The following PLCB4 variants were observed in gnomAD, a reference collection of about 807,000 sequenced individuals.
The protein encoded by PLCB4 is 1-phosphatidylinositol 4,5-bisphosphate phosphodiesterase beta-4.
PLCB4 carries 77 observed loss-of-function variants against 178.8 expected under a neutral mutation model. The ratio of observed to expected loss-of-function variants is 0.43; its 90% CI spans 0.36 to 0.52. The LOEUF is 0.52. Ranked by LOEUF, PLCB4 falls within the 20% of genes least tolerant of loss-of-function variation. The pLI is 0.00. For synonymous variants in PLCB4, 496 were observed against 490.8 expected (o/e 1.01, Z -0.14); for missense variants, 1,024 against 1,453.4 (o/e 0.70, Z 4.80).
intron 2 of PLCB4, among the ~76,000 whole-genome samples, chr20:9,188,602 TTGTGGAGGG>T (rs2093360225): frequency 7.5e-6 from 1 of 132,566 alleles, no homozygotes; most frequent in East Asian, 2.3e-4. Flanking sequence ...TAACTGTTCA[TTGTGGAGGG>T]CTGTCATATA....
At chr20:9,264,067 G>T (rs1390792492) in intron 3 of PLCB4, among the ~76,000 whole-genome samples, 1 of 152,046 alleles carries the variant, frequency 6.6e-6, no homozygotes, top group Admixed American at 6.6e-5. Context: ...AACAAGTTTT[G>T]ATTTAGGAGA....
chr20:9,364,664 C>A (rs2035623487), intron 8 of PLCB4, among the ~76,000 whole-genome samples: 1 of 152,194 alleles, frequency 6.6e-6, no homozygotes, highest in South Asian at 2.1e-4. Context: ...CCTAAAACAT[C>A]CCGTTATTAA....
chr20:9,284,428 G>A lies in PLCB4; in HGVS notation c.-15-23372G>A, dbSNP rs2094519755. On this transcript the variant is annotated intron_variant, in intron 3 of 39. Transcript: ENST00000378473. Reference sequence around the variant, plus strand: ...AGGAGATGAATGGAGAGAGATATAAGGCTAGATTATGTAAGGTCTTACAGC... The same window carrying A: ...AGGAGATGAATGGAGAGAGATATAAAGCTAGATTATGTAAGGTCTTACAGC... Among the ~76,000 whole-genome samples the A allele has an allele frequency of 2.6e-5, 4 of 152,060 alleles. No individual in the cohort carries two copies. In the Middle Eastern group the frequency reaches 0.01, roughly 388 times the overall value.
At chr20:9,220,598 C>G (rs2147287764) in intron 3 of PLCB4, among the ~76,000 whole-genome samples, 1 of 152,320 alleles carries the variant, frequency 6.6e-6, no homozygotes, top group South Asian at 2.1e-4. Flanking sequence ...GACTGAGCCA[C>G]TGTACCCCAG....
chr20:9,098,961 A>C (rs2091036820), intron 2 of PLCB4, among the ~76,000 whole-genome samples: 1 of 151,358 alleles, frequency 6.6e-6, no homozygotes, highest in South Asian at 2.1e-4. Flanking sequence ...ATATATGACT[A>C]TTTTAAAACT....
intron 20 of PLCB4, among the ~76,000 whole-genome samples, chr20:9,403,724 T>A (rs1306967764): frequency 6.6e-6 from 1 of 152,242 alleles, no homozygotes; most frequent in Non-Finnish European, 1.5e-5. Context: ...AACTCAGTGA[T>A]TGGCACATGA....
In PLCB4 at chr20:9,232,637, G is replaced by A. The variant is rs561705883; in HGVS notation, c.-16+15185G>A. ...ATTATGGTAGCTACAGCTGGGTAAA[G>A]TTTGTAGGTAATTTTCAACATTTGA... On this transcript the variant is annotated intron_variant, in intron 3 of 39. Coordinates refer to ENST00000378473, the MANE Select transcript of PLCB4 (RefSeq NM_001377142.1). Among the ~76,000 whole-genome samples, 52 of 152,248 alleles carry A rather than the reference G, an allele frequency of 3.4e-4. No individual in the cohort carries two copies. In the East Asian group the frequency reaches 4.3e-3, roughly 12 times the overall value.
At chr20:9,434,245 CAGAA>C (rs2041616625) in intron 28 of PLCB4, among the ~76,000 whole-genome samples, 1 of 152,116 alleles carries the variant, frequency 6.6e-6, no homozygotes, top group African/African-American at 2.4e-5. Flanking sequence ...TAAAAAATAT[CAGAA>C]AGGATACAAG....
At chr20:9,265,344 A>G (rs1163590653) in intron 3 of PLCB4, among the ~76,000 whole-genome samples, 1 of 152,052 alleles carries the variant, frequency 6.6e-6, no homozygotes, top group African/African-American at 2.4e-5. Context: ...TTAGCTGGGC[A>G]TGTTGCCACA....
intron 3 of PLCB4, among the ~76,000 whole-genome samples, chr20:9,241,749 G>T (rs565268418): frequency 1.3e-5 from 2 of 152,318 alleles, no homozygotes; most frequent in South Asian, 4.1e-4. Flanking sequence ...TGGAGCTGAA[G>T]CATGACCAGA....
intron 2 of PLCB4, among the ~76,000 whole-genome samples, chr20:9,146,509 C>T (rs963262207): frequency 2.0e-5 from 3 of 152,024 alleles, no homozygotes; most frequent in Non-Finnish European, 2.9e-5. Flanking sequence ...AGAATTTATT[C>T]GTGTAGATAG....
chr20:9,108,017 A>C (rs570549261), intron 2 of PLCB4, among the ~76,000 whole-genome samples: 10 of 152,156 alleles, frequency 6.6e-5, no homozygotes, highest in Non-Finnish European at 1.0e-4. Flanking sequence ...AGGGGATTCC[A>C]AGGTTTTGTG....
chr20:9,227,809 C>T (rs1226613652), intron 3 of PLCB4, among the ~76,000 whole-genome samples: 3 of 151,966 alleles, frequency 2.0e-5, no homozygotes, highest in South Asian at 2.1e-4. Flanking sequence ...TTGGGGGGCT[C>T]CTCTTGAAGG....
intron 2 of PLCB4, among the ~76,000 whole-genome samples, chr20:9,138,585 A>G (rs552105253): frequency 1.3e-4 from 20 of 152,206 alleles, no homozygotes; most frequent in Non-Finnish European, 1.8e-4. Flanking sequence ...ATTACCTTCT[A>G]TCACCATAGA....
chr20:9,329,210 A>G (rs907952804), intron 4 of PLCB4, among the ~76,000 whole-genome samples: 2 of 152,144 alleles, frequency 1.3e-5, no homozygotes, highest in African/African-American at 2.4e-5. Flanking sequence ...CACCTGTACA[A>G]GCTTCCAGCT....
intron 28 of PLCB4, among the ~76,000 whole-genome samples, chr20:9,433,887 G>A (rs940620100): frequency 1.2e-4 from 19 of 152,154 alleles, no homozygotes; most frequent in African/African-American, 4.3e-4. Context: ...ACTGGTGGGA[G>A]AATAAATTGA....
chr20:9,444,066 A>G (rs2042263288), intron 31 of PLCB4, 36 bp downstream of exon 31: 1 of 1,484,844 alleles, frequency 6.7e-7, no homozygotes. Flanking sequence ...GCACTCTTGT[A>G]TTACACATAT....
intron 2 of PLCB4, among the ~76,000 whole-genome samples, chr20:9,140,355 C>G (rs920833852): frequency 5.3e-5 from 8 of 152,128 alleles, no homozygotes; most frequent in African/African-American, 1.9e-4. Flanking sequence ...TGATCTGCCT[C>G]CCACTGAAGG....
Position 9,470,291 on chromosome 20 carries a change from A to T in PLCB4, c.3350+1619A>T, listed in dbSNP as rs1474936316. 3.9e-5 allele frequency among the ~76,000 whole-genome samples: 6 copies of T among 151,956 alleles called. No homozygotes were observed. In the East Asian group the frequency reaches 9.7e-4, roughly 25 times the overall value. On this transcript the variant is annotated intron_variant, in intron 36 of 39. Coordinates refer to ENST00000378473, the MANE Select transcript of PLCB4 (RefSeq NM_001377142.1). ...GGTTGCAGTGAGCCGAGATCCTGCCATTGCACTCCAGCCTGGCCAACAGAG... is the reference window on the plus strand; with the variant it reads ...GGTTGCAGTGAGCCGAGATCCTGCCTTTGCACTCCAGCCTGGCCAACAGAG...
Sources: gnomAD v4.1 joint callset for allele counts (sites outside exome capture counted in the v4.1 genomes callset) on GRCh38, gnomAD v4.1.1 for gene constraint, MANE v1.5 for transcripts, NCBI Gene and HGNC (gene_info 2026-07-23, HGNC 2026-07-21) for gene names.